GBE1: variants seen among roughly 807,000 people sequenced by gnomAD.
GBE1 encodes the protein 1,4-alpha-glucan branching enzyme 1.
Under a neutral mutation model 88.8 loss-of-function variants are expected in GBE1, and 70 were observed. The ratio of observed to expected loss-of-function variants is 0.79; its 90% CI spans 0.65 to 0.96. The LOEUF is 0.96. Among genes scored for constraint, GBE1 ranks in the 40% least tolerant of loss-of-function variants. GBE1 has a pLI of 0.00. For missense variants in GBE1, 872 were observed against 871.0 expected, an observed-to-expected ratio of 1.00 and a Z score of -0.01; for synonymous variants, 284 against 300.1, an observed-to-expected ratio of 0.95 and a Z score of 0.56.
At chr3:81,688,166 G>A (rs1008753175) in intron 2 of GBE1, among the ~76,000 whole-genome samples, 7 of 152,336 alleles carry the variant, frequency 4.6e-5, no homozygotes, top group African/African-American at 1.4e-4. Flanking sequence ...CACTACAGTG[G>A]ATATAGCTGA....
intron 12 of GBE1, among the ~76,000 whole-genome samples, chr3:81,560,311 GATA>G (rs951471664): frequency 6.6e-6 from 1 of 151,914 alleles, no homozygotes; most frequent in Non-Finnish European, 1.5e-5. Flanking sequence ...ACATAGATCA[GATA>G]ATGTTTCTTA....
chr3:81,545,634 G>GTGTA (rs1251739257), intron 12 of GBE1, among the ~76,000 whole-genome samples: 10 of 151,896 alleles, frequency 6.6e-5, no homozygotes, highest in Non-Finnish European at 1.5e-4. Flanking sequence ...GTGTGTGTGT[G>GTGTA]TGTATGTGTG....
Position 81,533,797 on chromosome 3 carries a change from C to T in GBE1, c.1934+1398G>A, listed in dbSNP as rs541160444. Among the ~76,000 whole-genome samples, 4 of 152,012 alleles carry T rather than the reference C, an allele frequency of 2.6e-5. No homozygotes were observed. The South Asian group carries it at 8.3e-4, about 32-fold the overall frequency. On this transcript the variant is annotated intron_variant, in intron 14 of 15. Transcript: ENST00000429644. ...GTAAGTTTATTCTTGAAGAGATGCA[C>T]AAAAAAATCTGTTTGCATTTTGTTG...
chr3:81,566,560 G>A (rs1196645051), intron 12 of GBE1, among the ~76,000 whole-genome samples: 1 of 152,090 alleles, frequency 6.6e-6, no homozygotes, highest in Non-Finnish European at 1.5e-5. Flanking sequence ...AATATCTAAC[G>A]AACATGCAAT....
At position 81,556,976 on chromosome 3, in the gene GBE1, C is replaced by T. The variant is rs1230718681; in HGVS notation, c.1619-19881G>A. Among the ~76,000 whole-genome samples, 5 of 152,168 alleles carry T rather than the reference C, an allele frequency of 3.3e-5. No individual in the cohort carries two copies. In the East Asian group the frequency reaches 9.6e-4, roughly 29 times the overall value. On this transcript the variant is annotated intron_variant, in intron 12 of 15. Coordinates refer to ENST00000429644, the MANE Select transcript of GBE1 (RefSeq NM_000158.4). The stretch of plus-strand genomic sequence containing the variant: ...ACATTTATTAAATAAAAAGCATCAA[C>T]ATAAACTCTTAACATAATTAAATAT...
Position 81,490,248 on chromosome 3 carries a change from G to T in GBE1, c.*159C>A. Reference sequence around the variant, plus strand: ...TATTCTCCCATCTACTTAAATAAAAGTTTGCTGTATTTGCATAAACCAATA... The same window carrying T: ...TATTCTCCCATCTACTTAAATAAAATTTTGCTGTATTTGCATAAACCAATA... On this transcript the variant is annotated 3_prime_UTR_variant, in exon 16 of 16. Coordinates refer to ENST00000429644, the MANE Select transcript of GBE1 (RefSeq NM_000158.4). The T allele has an allele frequency of 1.6e-6, 1 of 621,294 alleles. No individual in the cohort carries two copies. The allele number at this position is 621,294 out of a possible 1,614,324, so 38.5% of individuals were successfully genotyped here.
At chr3:81,600,243 G>A (rs1171990163) in intron 7 of GBE1, among the ~76,000 whole-genome samples, 1 of 151,950 alleles carries the variant, frequency 6.6e-6, no homozygotes, top group African/African-American at 2.4e-5. Flanking sequence ...CCTGGTGACA[G>A]AGTGAGACTC....
chr3:81,631,588 A>G (rs1387978668), intron 7 of GBE1, among the ~76,000 whole-genome samples: 3 of 151,678 alleles, frequency 2.0e-5, no homozygotes, highest in Non-Finnish European at 4.4e-5. Flanking sequence ...ACAAAAAAAA[A>G]AACAAAAAAT....
At chr3:81,741,949 A>G (rs919517158) in intron 1 of GBE1, among the ~76,000 whole-genome samples, 3 of 150,710 alleles carry the variant, frequency 2.0e-5, no homozygotes, top group African/African-American at 7.3e-5. Context: ...GAATCTCTTG[A>G]AAATCTTGAT....
intron 14 of GBE1, 23 bp downstream of exon 14, chr3:81,535,166 GTCATAT>G: frequency 6.3e-7 from 1 of 1,581,902 alleles, no homozygotes; most frequent in South Asian, 1.1e-5. Flanking sequence ...AATGTGGACA[GTCATAT>G]TCACTGGTAA....
At chr3:81,750,631 GTA>G (rs1421769991) in intron 1 of GBE1, among the ~76,000 whole-genome samples, 850 of 26,212 alleles carry the variant, frequency 0.032, 104 homozygotes, top group East Asian at 0.1. Flanking sequence ...ATATATATAC[GTA>G]TATATATATA....
At chr3:81,691,717 C>T (rs925834876) in intron 2 of GBE1, among the ~76,000 whole-genome samples, 1 of 151,922 alleles carries the variant, frequency 6.6e-6, no homozygotes, top group Non-Finnish European at 1.5e-5. Context: ...AGTTGGAGGC[C>T]GCATTAAGCC....
chr3:81,637,130 A>G (rs1177178637), intron 7 of GBE1, among the ~76,000 whole-genome samples: 2 of 152,164 alleles, frequency 1.3e-5, no homozygotes, highest in Non-Finnish European at 2.9e-5. Flanking sequence ...TAGAACAATT[A>G]TAATAATATA....
At chr3:81,702,126 T>A (rs866432786) in intron 2 of GBE1, among the ~76,000 whole-genome samples, 5,159 of 144,612 alleles carry the variant, frequency 0.036, 303 homozygotes, top group African/African-American at 0.08. Flanking sequence ...TGTGTGTGTG[T>A]GTGTGTGTGT....
chr3:81,504,501 T>C (rs1215220603), intron 14 of GBE1, among the ~76,000 whole-genome samples: 4 of 152,000 alleles, frequency 2.6e-5, no homozygotes, highest in Non-Finnish European at 4.4e-5. Context: ...GAAAATTTTT[T>C]AATAGTTTTT....
intron 2 of GBE1, among the ~76,000 whole-genome samples, chr3:81,678,919 G>T (rs193038698): frequency 1.3e-5 from 2 of 152,096 alleles, no homozygotes; most frequent in African/African-American, 2.4e-5. Context: ...AGGATGATAA[G>T]AGTTATTATG....
At chr3:81,517,215 G>A (rs1165240146) in intron 14 of GBE1, among the ~76,000 whole-genome samples, 2 of 151,444 alleles carry the variant, frequency 1.3e-5, no homozygotes, top group African/African-American at 4.8e-5. Context: ...ACCCTGATCA[G>A]TCAGGAGCCA....
intron 8 of GBE1, among the ~76,000 whole-genome samples, chr3:81,592,374 C>T (rs1395336306): frequency 6.6e-6 from 1 of 151,894 alleles, no homozygotes; most frequent in Admixed American, 6.6e-5. Flanking sequence ...GCAGACATTG[C>T]TTCTGTAAAT....
In GBE1 at chr3:81,536,151, T is replaced by C. The variant is rs1348476993; in HGVS notation, c.1803+760A>G. On this transcript the variant is annotated intron_variant, in intron 13 of 15. Transcript: ENST00000429644. The stretch of plus-strand genomic sequence containing the variant: ...GAAATAGCATTACTAATAAACGTGA[T>C]TAGGGCATTCGTGTCATGGAACAAA... Among the ~76,000 whole-genome samples, 4 of 152,034 alleles carry C rather than the reference T, an allele frequency of 2.6e-5. No homozygotes were observed. In the East Asian group the frequency reaches 7.8e-4, roughly 30 times the overall value.
Sources: allele counts gnomAD v4.1 joint callset (sites outside exome capture counted in the v4.1 genomes callset), GRCh38; gene constraint gnomAD v4.1.1; transcripts MANE v1.5; gene names NCBI Gene and HGNC (gene_info 2026-07-23, HGNC 2026-07-21).